The following MLLT10 variants were observed in gnomAD, a reference collection of about 807,000 sequenced individuals.
The protein encoded by MLLT10 is protein AF-10.
Under a neutral mutation model 129.1 loss-of-function variants are expected in MLLT10, and 30 were observed. The ratio of observed to expected loss-of-function variants is 0.23; its 90% CI spans 0.17 to 0.32. MLLT10 has a LOEUF of 0.32. Ranked by LOEUF, MLLT10 falls within the 10% of genes least tolerant of loss-of-function variation. MLLT10 has a pLI of 1.00. For synonymous variants in MLLT10, 490 were observed against 446.4 expected (o/e 1.10, Z -1.23); for missense variants, 1,119 against 1,268.3 (o/e 0.88, Z 1.79).
chr10:21,592,855 C>G (rs191747500), intron 4 of MLLT10, among the ~76,000 whole-genome samples: 5 of 152,260 alleles, frequency 3.3e-5, no homozygotes, highest in Admixed American at 1.3e-4. Context: ...GTCTTCTGTT[C>G]TGGAAAATTT....
intron 9 of MLLT10, among the ~76,000 whole-genome samples, chr10:21,653,650 T>C (rs890361346): frequency 2.6e-5 from 4 of 152,226 alleles, no homozygotes; most frequent in Non-Finnish European, 5.9e-5. Flanking sequence ...TAATATAACA[T>C]ATTCACAGGT....
At chr10:21,551,798 CTCTT>C (rs892892037) in intron 3 of MLLT10, 42 of 403,646 alleles carry the variant, frequency 1.0e-4, no homozygotes, top group East Asian at 3.4e-4. Flanking sequence ...CTGTCTCTCT[CTCTT>C]TTTTTTTTTT....
At chr10:21,722,759 A>C (rs1370462784) in intron 14 of MLLT10, among the ~76,000 whole-genome samples, 1 of 151,952 alleles carries the variant, frequency 6.6e-6, no homozygotes. Flanking sequence ...TTTCCGAAAG[A>C]CTCATCAAGG....
intron 2 of MLLT10, among the ~76,000 whole-genome samples, chr10:21,538,119 C>T (rs1022677657): frequency 6.7e-6 from 1 of 150,354 alleles, no homozygotes; most frequent in African/African-American, 2.4e-5. Context: ...TCCTGAGTAG[C>T]TGGGACTGTA....
chr10:21,601,502 C>T (rs1210353600), intron 5 of MLLT10, among the ~76,000 whole-genome samples: 1 of 152,172 alleles, frequency 6.6e-6, no homozygotes, highest in Non-Finnish European at 1.5e-5. Context: ...ACCAACATTG[C>T]CTATCTCAGT....
At chr10:21,723,837 A>C (rs764050655) in intron 14 of MLLT10, among the ~76,000 whole-genome samples, 94 of 152,234 alleles carry the variant, frequency 6.2e-4, no homozygotes, top group Non-Finnish European at 1.2e-3. Context: ...TTGGCTCTAC[A>C]AAAGCTATTT....
At chr10:21,740,461 C>A (rs1047313822) in intron 22 of MLLT10, among the ~76,000 whole-genome samples, 2 of 152,144 alleles carry the variant, frequency 1.3e-5, no homozygotes, top group African/African-American at 2.4e-5. Context: ...TGTAATTCAG[C>A]AATTTTCAAG....
At chr10:21,724,509 T>C (rs888418758) in intron 14 of MLLT10, among the ~76,000 whole-genome samples, 5 of 152,258 alleles carry the variant, frequency 3.3e-5, no homozygotes, top group Non-Finnish European at 7.3e-5. Flanking sequence ...GTGCTTTAGT[T>C]CTTTGCCGAT....
chr10:21,738,261 C>T (rs910303654), intron 21 of MLLT10: 3 of 278,466 alleles, frequency 1.1e-5, no homozygotes, highest in Non-Finnish European at 1.6e-5. Flanking sequence ...GAGCGAGACT[C>T]GGTCTCAAAA....
intron 15 of MLLT10, among the ~76,000 whole-genome samples, chr10:21,727,166 A>T (rs1350659875): frequency 6.6e-6 from 1 of 152,196 alleles, no homozygotes; most frequent in Non-Finnish European, 1.5e-5. Context: ...TAAGGGGAGG[A>T]CAACCTTGAA....
chr10:21,562,195 T>G (rs753548982), intron 3 of MLLT10, among the ~76,000 whole-genome samples: 5 of 152,202 alleles, frequency 3.3e-5, no homozygotes, highest in African/African-American at 1.2e-4. Flanking sequence ...CAAGATTGTT[T>G]TGGCTATTTG....
At chr10:21,680,691 A>T (rs1014551796) in intron 11 of MLLT10, among the ~76,000 whole-genome samples, 1 of 151,894 alleles carries the variant, frequency 6.6e-6, no homozygotes, top group Non-Finnish European at 1.5e-5. Context: ...AATGACCTAG[A>T]CCTAGCGTGG....
chr10:21,636,146 A>G (rs1377703771), intron 8 of MLLT10, among the ~76,000 whole-genome samples: 1 of 151,782 alleles, frequency 6.6e-6, no homozygotes. Context: ...TTTGAGATAG[A>G]GTCTCACTCT....
At chr10:21,535,787 A>G (rs1035209045) in intron 2 of MLLT10, among the ~76,000 whole-genome samples, 2 of 152,200 alleles carry the variant, frequency 1.3e-5, no homozygotes, top group African/African-American at 2.4e-5. Flanking sequence ...GACTACCACC[A>G]AAAGGGAGAC....
intron 5 of MLLT10, among the ~76,000 whole-genome samples, chr10:21,606,375 G>T (rs1371004826): frequency 6.6e-6 from 1 of 152,208 alleles, no homozygotes; most frequent in Non-Finnish European, 1.5e-5. Context: ...TGACATAGAA[G>T]TCTGATTTAA....
In MLLT10 at chr10:21,536,849, A is replaced by G. The variant is rs144454429; in HGVS notation, c.161-1984A>G. ...GCTCAGGCTGGAGTGCAATGGTGCCATCTCGGCTCACCGCAACCTCTGCAT... is the reference window on the plus strand; with the variant it reads ...GCTCAGGCTGGAGTGCAATGGTGCCGTCTCGGCTCACCGCAACCTCTGCAT... On this transcript the variant is annotated intron_variant, in intron 2 of 22. Coordinates refer to ENST00000307729, the MANE Select transcript of MLLT10 (RefSeq NM_001195626.3). Among the ~76,000 whole-genome samples, 509 of 151,930 alleles carry G rather than the reference A, an allele frequency of 3.4e-3. 2 individuals are homozygous for G. Among genetic ancestry groups the G allele is most frequent in the African/African-American group, 0.012 (488 of 41,424 alleles).
At chr10:21,735,055 T>G in intron 20 of MLLT10, 84 bp from the exon 21 acceptor site, 2 of 953,946 alleles carry the variant, frequency 2.1e-6, no homozygotes, top group Non-Finnish European at 3.2e-6. Flanking sequence ...AAACATCAAA[T>G]TGAAAAGTTG....
In MLLT10 at chr10:21,624,523, T is replaced by A. The variant is rs1002670038; in HGVS notation, c.699+7316T>A. On this transcript the variant is annotated intron_variant, in intron 8 of 22. Coordinates refer to ENST00000307729, the MANE Select transcript of MLLT10 (RefSeq NM_001195626.3). ...AAGATGAAACAGTTAAACAAAATTT[T>A]TTTTGAAGAATGTAGATCTAGAGCC... The A allele has an allele frequency of 9.2e-6, 9 of 979,674 alleles. No individual in the cohort carries two copies. The African/African-American group carries it at 1.5e-4, about 16-fold the overall frequency. 60.7% of individuals were successfully genotyped at this position (979,674 alleles called of 1,614,324 possible). A position where few individuals can be genotyped will look rare whatever the true frequency, so the allele number is the denominator to read the frequency against.
intron 8 of MLLT10, among the ~76,000 whole-genome samples, chr10:21,631,014 G>A (rs2046945833): frequency 6.6e-6 from 1 of 152,072 alleles, no homozygotes; most frequent in Non-Finnish European, 1.5e-5. Context: ...GGAAAGAGTT[G>A]CCTAAAGAAA....
Sources: gnomAD v4.1 joint callset for allele counts (sites outside exome capture counted in the v4.1 genomes callset) on GRCh38, gnomAD v4.1.1 for gene constraint, MANE v1.5 for transcripts, NCBI Gene and HGNC (gene_info 2026-07-23, HGNC 2026-07-21) for gene names.